The following TCERG1L variants were observed in gnomAD, a reference collection of about 807,000 sequenced individuals.
TCERG1L encodes the protein transcription elongation regulator 1-like protein.
TCERG1L carries 37 observed loss-of-function variants against 56.3 expected under a neutral mutation model. That is an observed-to-expected ratio of 0.66 (90% CI 0.51 to 0.87). The LOEUF is 0.87. TCERG1L is among the 40% of genes least tolerant of loss of function. The probability of loss-of-function intolerance (pLI) is 0.00; values close to 1 mark genes in which losing one functional copy is unlikely to be tolerated. For synonymous variants in TCERG1L, 324 were observed against 326.3 expected (o/e 0.99, Z 0.08); for missense variants, 799 against 774.2 (o/e 1.03, Z -0.38).
At chr10:131,234,917 TG>T (rs1195540747) in intron 4 of TCERG1L, among the ~76,000 whole-genome samples, 1 of 152,246 alleles carries the variant, frequency 6.6e-6, no homozygotes, top group Non-Finnish European at 1.5e-5. Context: ...TTGGCCAGGA[TG>T]GTCTCGATCT....
At chr10:131,187,458 C>G (rs1224164771) in intron 4 of TCERG1L, among the ~76,000 whole-genome samples, 25 of 152,232 alleles carry the variant, frequency 1.6e-4, no homozygotes, top group Non-Finnish European at 1.5e-5. Flanking sequence ...CCTGGCCATG[C>G]TGCTCTGCTG....
intron 7 of TCERG1L, 66 bp from the exon 8 acceptor site, chr10:131,134,514 G>C: frequency 8.0e-7 from 1 of 1,252,118 alleles, no homozygotes; most frequent in Admixed American, 2.0e-5. Flanking sequence ...AAACCACCAG[G>C]TGACACTCAC....
chr10:131,284,003 A>G lies in TCERG1L; in HGVS notation c.671-23559T>C, dbSNP rs190211831. On this transcript the variant is annotated intron_variant, in intron 3 of 11. Coordinates refer to ENST00000368642, the MANE Select transcript of TCERG1L (RefSeq NM_174937.4). The stretch of plus-strand genomic sequence containing the variant: ...CCAGGCATTGCAGTGGGCACCTGTA[A>G]TCCCAGCTACTTGGGAGGCTGAGGC... Among the ~76,000 whole-genome samples the G allele has an allele frequency of 7.2e-5, 11 of 151,990 alleles. No homozygotes were observed. The East Asian group carries it at 2.1e-3, about 29-fold the overall frequency.
chr10:131,133,550 G>A (rs531337791), intron 8 of TCERG1L, among the ~76,000 whole-genome samples: 242 of 152,178 alleles, frequency 1.6e-3, no homozygotes, highest in Middle Eastern at 6.8e-3. Context: ...CCTGGGAAGC[G>A]TCCCTTATTG....
At chr10:131,135,613 C>T (rs903474958) in intron 7 of TCERG1L, among the ~76,000 whole-genome samples, 6 of 152,318 alleles carry the variant, frequency 3.9e-5, no homozygotes, top group East Asian at 1.9e-4. Flanking sequence ...CTGGAAGCCC[C>T]GGCTCATCCC....
At chr10:131,094,848 C>T (rs58765214) in intron 11 of TCERG1L, among the ~76,000 whole-genome samples, 5,403 of 152,178 alleles carry the variant, frequency 0.036, 132 homozygotes, top group African/African-American at 0.073. Context: ...GCTTGTTCCA[C>T]GCTCCCCTGG....
In TCERG1L at chr10:131,112,423, C is replaced by T. The variant is rs1845421130; in HGVS notation, c.1395+4376G>A. The stretch of plus-strand genomic sequence containing the variant: ...CCCCAGGCCCCCACTGTGCCTCCCA[C>T]AAGCCCTAATGATGATGCCAGCTGC... On this transcript the variant is annotated intron_variant, in intron 9 of 11. Transcript: ENST00000368642. Among the ~76,000 whole-genome samples the T allele has an allele frequency of 2.1e-5, 3 of 142,652 alleles. 1 individual carries two copies. The South Asian group carries it at 7.8e-4, about 37-fold the overall frequency. 93.6% of individuals were successfully genotyped at this position (142,652 alleles called of 152,430 possible). A position where few individuals can be genotyped will look rare whatever the true frequency, so the allele number is the denominator to read the frequency against.
Position 131,118,969 on chromosome 10 carries a change from A to G in TCERG1L, c.1260-2035T>C, listed in dbSNP as rs1040927314. Among the ~76,000 whole-genome samples the G allele has an allele frequency of 6.6e-6, 1 of 152,212 alleles. No homozygotes were observed. Among genetic ancestry groups the G allele is most frequent in the African/African-American group, 2.4e-5 (1 of 41,452 alleles). ...TGCTGTGAAATGTCCTGCAATGCACAGGACAGCCCCCACCACGCAGGCTCA... is the reference window on the plus strand; with the variant it reads ...TGCTGTGAAATGTCCTGCAATGCACGGGACAGCCCCCACCACGCAGGCTCA... On this transcript the variant is annotated intron_variant, in intron 8 of 11. Coordinates refer to ENST00000368642, the MANE Select transcript of TCERG1L (RefSeq NM_174937.4). This position sits in a 1 kb window ranked among gnomAD's most constrained non-coding sequence, Gnocchi z 4.2.
chr10:131,270,359 AC>A (rs1458421501), intron 3 of TCERG1L, among the ~76,000 whole-genome samples: 1 of 152,246 alleles, frequency 6.6e-6, no homozygotes, highest in Non-Finnish European at 1.5e-5. Context: ...ACGGATAAAT[AC>A]CATAACTAAC....
In TCERG1L at chr10:131,183,829, C is replaced by T. The variant is rs185663671; in HGVS notation, c.857-16944G>A. Reference sequence around the variant, plus strand: ...TACACGTGATGCTAACATTATGGCGCGTGTGTCTGCCTCCTTCTTGGGAGA... The same window carrying T: ...TACACGTGATGCTAACATTATGGCGTGTGTGTCTGCCTCCTTCTTGGGAGA... On this transcript the variant is annotated intron_variant, in intron 4 of 11. Transcript: ENST00000368642. Among the ~76,000 whole-genome samples the T allele has an allele frequency of 2.6e-5, 4 of 152,294 alleles. No individual in the cohort carries two copies. In the East Asian group the frequency reaches 7.7e-4, roughly 29 times the overall value.
At position 131,215,236 on chromosome 10, in the gene TCERG1L, T is replaced by C. The variant is rs539839334; in HGVS notation, c.856+45023A>G. Among the ~76,000 whole-genome samples the C allele has an allele frequency of 4.6e-5, 7 of 152,306 alleles. No homozygotes were observed. The South Asian group carries it at 1.2e-3, about 27-fold the overall frequency. On this transcript the variant is annotated intron_variant, in intron 4 of 11. Transcript: ENST00000368642. ...AGGCTCACCCCAAGCCCGACACCCA[T>C]GTTTCCCATATTGAATCCACGTCGC...
chr10:131,134,401 C>A lies in TCERG1L; in HGVS notation c.1237G>T (p.Asp413Tyr). 1 of 1,594,420 alleles carries A rather than the reference C, an allele frequency of 6.3e-7. No individual in the cohort carries two copies. Among genetic ancestry groups the A allele is most frequent in the Admixed American group, 1.7e-5 (1 of 57,516 alleles). The change falls in exon 8 of 12, where the codon GAT (aspartate) becomes TAT (tyrosine). Residue 413 changes from aspartate to tyrosine, a missense_variant. Transcript: ENST00000368642. ...TACCGGTTCCTCTTGGTTTTCACAT[C>A]TTGGTCTTCCCTGTTGTCTTCAGAA... The part of the protein sequence containing the change: ...SSSEDNREDQ[D>Y]VKTKRNRTEG...
intron 3 of TCERG1L, among the ~76,000 whole-genome samples, chr10:131,299,749 C>T (rs1846740574): frequency 1.3e-5 from 2 of 152,094 alleles, no homozygotes; most frequent in African/African-American, 4.8e-5. Context: ...ATGTCTTTAA[C>T]TTGGCACCTT....
At chr10:131,287,072 C>T (rs916077304) in intron 3 of TCERG1L, among the ~76,000 whole-genome samples, 23 of 152,184 alleles carry the variant, frequency 1.5e-4, no homozygotes, top group African/African-American at 5.1e-4. Flanking sequence ...TAAAATTCAC[C>T]TGTTTTGTTA....
chr10:131,131,271 G>C (rs1273863092), intron 8 of TCERG1L, among the ~76,000 whole-genome samples: 1 of 152,126 alleles, frequency 6.6e-6, no homozygotes, highest in Non-Finnish European at 1.5e-5. Context: ...TGAGGTCAGA[G>C]GGATAGGAGG....
rs145757531 is a variant in TCERG1L, at chr10:131,231,327, C to T, written c.856+28932G>A. 2.6e-3 allele frequency among the ~76,000 whole-genome samples: 393 copies of T among 152,320 alleles called. 3 individuals are homozygous for T. The highest frequency in any genetic ancestry group is 8.6e-3 in the African/African-American group (359 of 41,562). On this transcript the variant is annotated intron_variant, in intron 4 of 11. Transcript: ENST00000368642. ...AAAATGAGCACAACTGACTCAGTCA[C>T]GAGTGACAGCTTCCTAAGAGCCTAC...
chr10:131,246,280 C>G (rs1422747739), intron 4 of TCERG1L, among the ~76,000 whole-genome samples: 3 of 152,130 alleles, frequency 2.0e-5, no homozygotes, highest in Non-Finnish European at 1.5e-5. Flanking sequence ...CAATTGTTGG[C>G]CAGAAGCATG....
chr10:131,102,961 A>G (rs899722372), intron 10 of TCERG1L, among the ~76,000 whole-genome samples: 1 of 152,066 alleles, frequency 6.6e-6, no homozygotes, highest in Non-Finnish European at 1.5e-5. Flanking sequence ...GTGAAAAGCT[A>G]GGGCAGAGCC....
At chr10:131,201,292 C>A (rs900810454) in intron 4 of TCERG1L, among the ~76,000 whole-genome samples, 2 of 152,192 alleles carry the variant, frequency 1.3e-5, no homozygotes, top group Non-Finnish European at 2.9e-5. Flanking sequence ...GCCACACCTA[C>A]AAACACTCCA....
Sources: allele counts gnomAD v4.1 joint callset (sites outside exome capture counted in the v4.1 genomes callset), GRCh38; gene constraint gnomAD v4.1.1; non-coding constraint Gnocchi (gnomAD v3.1); transcripts MANE v1.5; gene names NCBI Gene and HGNC (gene_info 2026-07-23, HGNC 2026-07-21).